Variants in KSR2 observed in about 807,000 individuals in gnomAD.
KSR2 encodes kinase suppressor of ras 2.
KSR2 carries 25 observed loss-of-function variants against 107.8 expected under a neutral mutation model. That is an observed-to-expected ratio of 0.23 (90% CI 0.17 to 0.32). KSR2 has a LOEUF of 0.32. Among genes scored for constraint, KSR2 ranks in the 10% least tolerant of loss-of-function variants. KSR2 has a pLI of 1.00. For missense variants in KSR2, 887 were observed against 1,268.9 expected (o/e 0.70, Z 4.57); for synonymous variants, 480 against 507.0 (o/e 0.95, Z 0.71).
rs546145317 is a variant in KSR2, at chr12:117,485,242, A to C, written c.2316+353T>G. 1.4e-4 allele frequency among the ~76,000 whole-genome samples: 21 copies of C among 152,310 alleles called. 1 individual carries two copies. The highest frequency in any genetic ancestry group is 5.1e-4 in the African/African-American group (21 of 41,576). On this transcript the variant is annotated intron_variant, in intron 15 of 19. Transcript: ENST00000339824. Reference sequence around the variant, plus strand: ...TGATGTTTCCCTAGCAGCAGTGGAGAGAGATGGTTTCCACTCATGGAAATT... The same window carrying C: ...TGATGTTTCCCTAGCAGCAGTGGAGCGAGATGGTTTCCACTCATGGAAATT...
chr12:117,717,346 C>A (rs1215086159), intron 4 of KSR2, among the ~76,000 whole-genome samples: 1 of 152,038 alleles, frequency 6.6e-6, no homozygotes, highest in South Asian at 2.1e-4. Context: ...CATAGTGAGA[C>A]CTCATCTCCA....
rs1315570773 is a variant in KSR2 at position 117,851,164 on chromosome 12, T to TG, written c.472+4263dup. ...TTGGTCATTGCTTTCAAGGTCCCAG[T>TG]GGCCCTAAGGCTGGCATCTGAGGCA... On this transcript the variant is annotated intron_variant, in intron 3 of 19. Transcript: ENST00000339824. 2.0e-5 allele frequency among the ~76,000 whole-genome samples: 3 copies of TG among 152,304 alleles called. No homozygotes were observed. The East Asian group carries it at 5.8e-4, about 29-fold the overall frequency.
At chr12:117,767,288 G>A (rs1889272147) in intron 3 of KSR2, among the ~76,000 whole-genome samples, 2 of 151,398 alleles carry the variant, frequency 1.3e-5, no homozygotes, top group Admixed American at 1.3e-4. Flanking sequence ...AGCCGGGCGT[G>A]GTGGCGGGCG....
intron 5 of KSR2, among the ~76,000 whole-genome samples, chr12:117,597,010 A>G (rs1880688465): frequency 6.6e-6 from 1 of 152,060 alleles, no homozygotes. Flanking sequence ...TTGGGCTTAG[A>G]TTTTTTTCTC....
intron 19 of KSR2, 79 bp from the exon 20 acceptor site, chr12:117,467,284 C>T (rs2137107416): frequency 3.2e-6 from 2 of 621,034 alleles, no homozygotes; most frequent in Non-Finnish European, 5.8e-6. Context: ...ATGACACCCT[C>T]TCAGTGGGCC....
Position 117,520,926 on chromosome 12 carries a change from G to A in KSR2, c.2219+3926C>T, listed in dbSNP as rs73403328. Among the ~76,000 whole-genome samples the A allele has an allele frequency of 8.8e-3, 1,341 of 152,140 alleles. 26 individuals are homozygous for A. The highest frequency in any genetic ancestry group is 0.03 in the African/African-American group (1,235 of 41,510). On this transcript the variant is annotated intron_variant, in intron 14 of 19. Coordinates refer to ENST00000339824, the MANE Select transcript of KSR2 (RefSeq NM_173598.6). ...CTGGCATCTAGTGAGTAGAGGCCAGGGACGCTGCCAAACATCCTACAGTCC... is the reference window on the plus strand; with the variant it reads ...CTGGCATCTAGTGAGTAGAGGCCAGAGACGCTGCCAAACATCCTACAGTCC...
At chr12:117,688,112 G>A (rs1885652565) in intron 4 of KSR2, among the ~76,000 whole-genome samples, 1 of 152,222 alleles carries the variant, frequency 6.6e-6, no homozygotes, top group South Asian at 2.1e-4. Context: ...GGGTGTGGTG[G>A]CTCACGCCTG....
At chr12:117,769,521 C>T (rs193035317) in intron 3 of KSR2, among the ~76,000 whole-genome samples, 8 of 152,278 alleles carry the variant, frequency 5.3e-5, no homozygotes, top group Non-Finnish European at 8.8e-5. Context: ...ACTGTGACTC[C>T]GTTTCTTCAT....
chr12:117,858,477 G>C (rs1893173934), intron 2 of KSR2, among the ~76,000 whole-genome samples: 1 of 152,268 alleles, frequency 6.6e-6, no homozygotes, highest in South Asian at 2.1e-4. Context: ...TGGAGGAATG[G>C]AGCGGGGTGA....
intron 3 of KSR2, among the ~76,000 whole-genome samples, chr12:117,807,376 T>G (rs981230889): frequency 5.9e-5 from 9 of 152,182 alleles, no homozygotes; most frequent in Non-Finnish European, 1.3e-4. Context: ...AGAAACCCAC[T>G]GTCACTTTCG....
At chr12:117,597,662 A>C (rs1203331402) in intron 5 of KSR2, among the ~76,000 whole-genome samples, 4 of 152,230 alleles carry the variant, frequency 2.6e-5, no homozygotes, top group Non-Finnish European at 5.9e-5. Flanking sequence ...TGATTAAAAA[A>C]TATGTTTGTG....
rs139075696 is a variant in KSR2 at position 117,666,269 on chromosome 12, C to T, written c.1171+1205G>A. On this transcript the variant is annotated intron_variant, in intron 5 of 19. Transcript: ENST00000339824. Reference sequence around the variant, plus strand: ...TTCGGGCCCCAGCCTAACCATCTAGCGGGATGTTGGATATTACATGTACCT... The same window carrying T: ...TTCGGGCCCCAGCCTAACCATCTAGTGGGATGTTGGATATTACATGTACCT... Among the ~76,000 whole-genome samples the T allele has an allele frequency of 6.1e-3, 936 of 152,242 alleles. 4 individuals are homozygous for T. Among genetic ancestry groups the T allele is most frequent in the Non-Finnish European group, 9.6e-3 (654 of 68,016 alleles).
intron 3 of KSR2, among the ~76,000 whole-genome samples, chr12:117,840,110 T>TTTC (rs1566042644): frequency 4.6e-5 from 7 of 151,486 alleles, no homozygotes; most frequent in African/African-American, 1.7e-4. Context: ...ATTTTATTTT[T>TTTC]TTTTTTGAGA....
At chr12:117,717,666 GGTGTGT>G (rs55910019) in intron 4 of KSR2, among the ~76,000 whole-genome samples, 18,540 of 144,068 alleles carry the variant, frequency 0.13, 1,201 homozygotes, top group Non-Finnish European at 0.14. Context: ...GGGGCAGACA[GGTGTGT>G]GTGTGTGTGT....
intron 1 of KSR2, among the ~76,000 whole-genome samples, chr12:117,874,631 T>A (rs1893769659): frequency 6.6e-6 from 1 of 152,164 alleles, no homozygotes; most frequent in African/African-American, 2.4e-5. Flanking sequence ...GGATCGTGAT[T>A]TGAACTCAGG....
chr12:117,672,837 C>A (rs1252627635), intron 4 of KSR2, among the ~76,000 whole-genome samples: 1 of 152,216 alleles, frequency 6.6e-6, no homozygotes, highest in Non-Finnish European at 1.5e-5. Context: ...GTTGGCCAGA[C>A]TGGTCTTGAA....
At chr12:117,943,480 T>C (rs1471943014) in intron 1 of KSR2, among the ~76,000 whole-genome samples, 4 of 125,996 alleles carry the variant, frequency 3.2e-5, no homozygotes, top group East Asian at 2.4e-4. Context: ...TTCCTCCTTA[T>C]GTGTCCTTAT....
chr12:117,481,406 T>C (rs1208472350), intron 16 of KSR2, among the ~76,000 whole-genome samples: 2 of 152,154 alleles, frequency 1.3e-5, no homozygotes, highest in Non-Finnish European at 2.9e-5. Flanking sequence ...TTGGTGTTCT[T>C]ATAAGAAGAG....
At position 117,858,547 on chromosome 12, in the gene KSR2, C is replaced by T. The variant is rs148437711; in HGVS notation, c.321+1744G>A. 2.0e-4 allele frequency among the ~76,000 whole-genome samples: 30 copies of T among 152,236 alleles called. No individual in the cohort carries two copies. The East Asian group carries it at 5.2e-3, about 26-fold the overall frequency. ...GGGCTGGGTGAGATTCTTGTCCCTG[C>T]GGACAAGGTCTAAAAAAGACAGGAA... On this transcript the variant is annotated intron_variant, in intron 2 of 19. Transcript: ENST00000339824.
Sources: gnomAD v4.1 joint callset for allele counts (sites outside exome capture counted in the v4.1 genomes callset) on GRCh38, gnomAD v4.1.1 for gene constraint, MANE v1.5 for transcripts, NCBI Gene and HGNC (gene_info 2026-07-23, HGNC 2026-07-21) for gene names.